The following LARGE1 variants were observed in gnomAD, a reference collection of about 807,000 sequenced individuals.
LARGE1 encodes the protein xylosyl- and glucuronyltransferase LARGE1.
A neutral mutation model predicts 87.6 loss-of-function variants in LARGE1; 43 were observed. That is an observed-to-expected ratio of 0.49 (90% CI 0.38 to 0.63). The LOEUF is 0.63. LARGE1 is among the 30% of genes least tolerant of loss of function. The pLI is 0.00. For missense variants in LARGE1, 802 were observed against 1,000.2 expected, an observed-to-expected ratio of 0.80 and a Z score of 2.67; for synonymous variants, 434 against 394.6, an observed-to-expected ratio of 1.10 and a Z score of -1.18.
intron 6 of LARGE1, among the ~76,000 whole-genome samples, chr22:33,473,595 C>T (rs1382542011): frequency 6.6e-6 from 1 of 152,128 alleles, no homozygotes; most frequent in African/African-American, 2.4e-5. Context: ...CCTCGTGATC[C>T]ACCATGCCCA....
chr22:33,838,625 AAAAT>A (rs979596329), intron 1 of LARGE1, among the ~76,000 whole-genome samples: 1 of 152,170 alleles, frequency 6.6e-6, no homozygotes, highest in African/African-American at 2.4e-5. Flanking sequence ...TGTCCCCAGC[AAAAT>A]AAATAAATAA....
At chr22:33,364,211 C>T (rs141352068) in intron 9 of LARGE1, among the ~76,000 whole-genome samples, 8,266 of 152,112 alleles carry the variant, frequency 0.054, 346 homozygotes, top group African/African-American at 0.12. Context: ...CCCGCCACCA[C>T]GCCCGGCTAA....
At chr22:33,507,233 T>C (rs771748665) in intron 6 of LARGE1, among the ~76,000 whole-genome samples, 1 of 152,184 alleles carries the variant, frequency 6.6e-6, no homozygotes, top group Non-Finnish European at 1.5e-5. Context: ...AGAGCAGGTA[T>C]GCTGTTTGCT....
chr22:33,819,093 A>G (rs1040592983), intron 1 of LARGE1, among the ~76,000 whole-genome samples: 11 of 152,196 alleles, frequency 7.2e-5, no homozygotes, highest in Admixed American at 6.5e-5. Context: ...CACCAGTTTG[A>G]GGAGGACTGG....
intron 9 of LARGE1, among the ~76,000 whole-genome samples, chr22:33,356,286 A>G (rs1329774052): frequency 2.0e-5 from 3 of 152,242 alleles, no homozygotes; most frequent in Admixed American, 1.3e-4. Flanking sequence ...CAAAAAATGG[A>G]TGAGTGCTGA....
At chr22:33,088,149 ATC>A in the LARGE1 span, among the ~76,000 whole-genome samples, 2 of 152,120 alleles carry the variant, frequency 1.3e-5, no homozygotes, top group Admixed American at 6.6e-5. Flanking sequence ...ATATAGTTGC[ATC>A]GTACTCAACC....
intron 5 of LARGE1, among the ~76,000 whole-genome samples, chr22:33,601,379 T>C (rs1301967386): frequency 6.6e-6 from 1 of 152,050 alleles, no homozygotes; most frequent in African/African-American, 2.4e-5. Flanking sequence ...AGATGAGCTC[T>C]CAGTTCCAGA....
chr22:33,786,784 G>A (rs2085657209), intron 1 of LARGE1, among the ~76,000 whole-genome samples: 1 of 152,172 alleles, frequency 6.6e-6, no homozygotes, highest in Admixed American at 6.5e-5. Flanking sequence ...CACTTTGGGA[G>A]GCCAAGGTGG....
At chr22:33,770,701 A>G (rs1194337113) in intron 1 of LARGE1, among the ~76,000 whole-genome samples, 1 of 152,170 alleles carries the variant, frequency 6.6e-6, no homozygotes, top group Non-Finnish European at 1.5e-5. Context: ...ATAGAAAATA[A>G]AAAAGCAAAA....
chr22:33,171,639 G>A lies in LARGE1; in HGVS notation c.1731-4807C>T, dbSNP rs527886121. On this transcript the variant is annotated intron_variant, in intron 11 of 11. Coordinates refer to the LARGE1 transcript ENST00000608642. ...TTGATTCAGAGGATGCAAGCCCCAA[G>A]CCTTGGCAGCTTCCACGTGGTGATA... Among the ~76,000 whole-genome samples, 15 of 152,358 alleles carry A rather than the reference G, an allele frequency of 9.8e-5. No individual in the cohort carries two copies. In the South Asian group the frequency reaches 2.7e-3, roughly 27 times the overall value.
intron 1 of LARGE1, among the ~76,000 whole-genome samples, chr22:33,892,551 A>C (rs997546929): frequency 8.5e-5 from 13 of 152,238 alleles, no homozygotes; most frequent in Admixed American, 8.5e-4. Flanking sequence ...CCACAAATGC[A>C]ATCAGCCTAT....
intron 12 of LARGE1, among the ~76,000 whole-genome samples, chr22:33,290,672 T>C (rs752366386): frequency 6.6e-6 from 1 of 152,166 alleles, no homozygotes; most frequent in Admixed American, 6.5e-5. Flanking sequence ...AGGTCGCTGG[T>C]GGCATCTTCC....
chr22:33,670,980 G>T (rs551509649), intron 2 of LARGE1, among the ~76,000 whole-genome samples: 1 of 152,164 alleles, frequency 6.6e-6, no homozygotes, highest in Non-Finnish European at 1.5e-5. Context: ...ACCAAAAAAT[G>T]AGAAAATGTG....
chr22:33,845,863 A>G (rs2063415260), intron 1 of LARGE1, among the ~76,000 whole-genome samples: 1 of 152,122 alleles, frequency 6.6e-6, no homozygotes. Flanking sequence ...ATATACTATC[A>G]TCTTGGTCCT....
chr22:33,660,306 C>A (rs1282486730), intron 2 of LARGE1, among the ~76,000 whole-genome samples: 3 of 152,082 alleles, frequency 2.0e-5, no homozygotes, highest in Non-Finnish European at 2.9e-5. Flanking sequence ...ATTTAGTGCT[C>A]TGTTTCCTAG....
rs1601463353 is a variant in LARGE1 at position 33,734,188 on chromosome 22, C to G, written c.106+27183G>C. Among the ~76,000 whole-genome samples, 8 of 152,294 alleles carry G rather than the reference C, an allele frequency of 5.3e-5. No individual in the cohort carries two copies. The South Asian group carries it at 1.7e-3, about 32-fold the overall frequency. ...CACAGTCAAATTGAATTACAGCCGC[C>G]TTAATGACCTCATCCTAGTTTGATT... On this transcript the variant is annotated intron_variant, in intron 2 of 14. Coordinates refer to ENST00000397394, the MANE Select transcript of LARGE1 (RefSeq NM_133642.5).
Position 33,860,909 on chromosome 22 carries a change from C to T in LARGE1, c.-83+59086G>A, listed in dbSNP as rs186807167. ...GAGGCCTTTCTGATGACCTACTGCACTGCCACCACAACCACGACCCTTGCC... is the reference window on the plus strand; with the variant it reads ...GAGGCCTTTCTGATGACCTACTGCATTGCCACCACAACCACGACCCTTGCC... On this transcript the variant is annotated intron_variant, in intron 1 of 14. Coordinates refer to ENST00000397394, the MANE Select transcript of LARGE1 (RefSeq NM_133642.5). Among the ~76,000 whole-genome samples the T allele has an allele frequency of 3.6e-3, 543 of 152,322 alleles. 3 individuals carry two copies. Among genetic ancestry groups the T allele is most frequent in the African/African-American group, 0.012 (499 of 41,578 alleles).
chr22:33,183,769 T>C lies in LARGE1; in HGVS notation c.1731-16937A>G, dbSNP rs142164232. ...GGTGAGTACTGGATGATATTTACTG[T>C]ATGAAAGACGGGTTCTATTTGGACG... On this transcript the variant is annotated intron_variant, in intron 11 of 11. Coordinates refer to the LARGE1 transcript ENST00000608642. 3.8e-3 allele frequency among the ~76,000 whole-genome samples: 580 copies of C among 152,148 alleles called. 3 individuals are homozygous for C. Among genetic ancestry groups the C allele is most frequent in the Admixed American group, 6.4e-3 (98 of 15,254 alleles).
At chr22:33,863,243 C>T (rs1023647639) in intron 1 of LARGE1, among the ~76,000 whole-genome samples, 2 of 152,174 alleles carry the variant, frequency 1.3e-5, no homozygotes, top group African/African-American at 4.8e-5. Context: ...GAGGTTAATC[C>T]AACCTCATCA....
Sources: gnomAD v4.1 joint callset for allele counts (sites outside exome capture counted in the v4.1 genomes callset) on GRCh38, gnomAD v4.1.1 for gene constraint, MANE v1.5 for transcripts, NCBI Gene and HGNC (gene_info 2026-07-23, HGNC 2026-07-21) for gene names.